OTOG: variants seen among roughly 807,000 people sequenced by gnomAD.
OTOG encodes otogelin.
In OTOG, 296 loss-of-function variants were observed where a neutral mutation model predicts 313.8. The observed-to-expected ratio is 0.94, with a 90% CI of 0.86 to 1.04. The LOEUF (loss-of-function observed/expected upper bound fraction) is 1.04. OTOG is among the 50% of genes least tolerant of loss of function. The pLI is 0.00. For synonymous variants in OTOG, 1,533 were observed against 1,554.9 expected, an observed-to-expected ratio of 0.99 and a Z score of 0.33; for missense variants, 3,948 against 3,840.1, an observed-to-expected ratio of 1.03 and a Z score of -0.74.
At position 17,572,108 on chromosome 11, in the gene OTOG, C is replaced by T. The variant is rs547173007; in HGVS notation, c.1984C>T (p.Pro662Ser). 4.4e-4 allele frequency: 678 copies of T among 1,550,430 alleles called. 4 individuals are homozygous for T. The highest frequency in any genetic ancestry group is 2.4e-3 in the South Asian group (203 of 84,038). Residue 662 changes from proline to serine, a missense_variant, in exon 18 of 56, where the codon CCA (proline) becomes TCA (serine). Coordinates refer to ENST00000399397, the MANE Select transcript of OTOG (RefSeq NM_001292063.2). Reference protein sequence around the residue: ...LSPVGVPESTPQLFGNSWKTL... With the variant: ...LSPVGVPESTSQLFGNSWKTL... ...TCCAGTGGGTGTACCTGAGAGCACC[C>T]CACAACTTTTTGGCAATTCCTGGAA...
At chr11:17,621,806 A>G (rs1853871760) in intron 39 of OTOG, among the ~76,000 whole-genome samples, 1 of 151,844 alleles carries the variant, frequency 6.6e-6, no homozygotes. Flanking sequence ...TTCAGGGATC[A>G]CTCTCCTGCA....
chr11:17,560,519 G>A (rs1852157507), intron 12 of OTOG, among the ~76,000 whole-genome samples, 190 bp from the exon 13 acceptor site: 1 of 152,196 alleles, frequency 6.6e-6, no homozygotes, highest in Non-Finnish European at 1.5e-5. Context: ...AGGTCTAGGG[G>A]TGGGATTCTT....
chr11:17,634,424 C>A, intron 44 of OTOG, 143 bp downstream of exon 44: 1 of 943,156 alleles, frequency 1.1e-6, no homozygotes, highest in Non-Finnish European at 1.6e-6. Context: ...GAGGGGAGAA[C>A]CCTCCCTGGG....
At chr11:17,639,021 C>A in intron 48 of OTOG, 1 of 331,540 alleles carries the variant, frequency 3.0e-6, no homozygotes, top group Non-Finnish European at 5.8e-6. Context: ...CCACTGCACT[C>A]CAGCCTGGGC....
chr11:17,609,585 G>A, intron 35 of OTOG, 70 bp from the exon 36 acceptor site: 2 of 1,338,384 alleles, frequency 1.5e-6, no homozygotes, highest in Non-Finnish European at 2.0e-6. Context: ...TCACACCACA[G>A]CCCTGCCCAG....
At chr11:17,596,333 AC>A (rs529276569) in intron 29 of OTOG, among the ~76,000 whole-genome samples, 179 bp downstream of exon 29, 101 of 152,258 alleles carry the variant, frequency 6.6e-4, no homozygotes, top group African/African-American at 2.3e-3. Context: ...TCCCCAGATG[AC>A]CAGGCACAGA....
At position 17,610,291 on chromosome 11, in the gene OTOG, A is replaced by T. The variant is rs1427538566; in HGVS notation, c.4991A>T (p.His1664Leu). The part of the protein sequence containing the change: ...ISRSPTSSGS[H>L]KAVLTPAVTK... ...AGGTCCCCCACCTCCTCGGGATCCC[A>T]CAAGGCTGTGCTGACACCTGCAGTA... The change falls in exon 36 of 56, where the codon CAC (histidine) becomes CTC (leucine). Residue 1664 changes from histidine to leucine, a missense_variant. Transcript: ENST00000399397. 1.3e-6 allele frequency: 2 copies of T among 1,550,458 alleles called. No homozygotes were observed. The highest frequency in any genetic ancestry group is 2.4e-5 in the East Asian group (1 of 40,910).
In OTOG at chr11:17,631,806, A is replaced by C. The variant is rs1055348299; in HGVS notation, c.6817A>C (p.Ser2273Arg). Reference sequence around the variant, plus strand: ...CTTTCTGGACAGCTGGCAGGTGCCCAGCTCCCTGACCTCAGTGGGCCAGAC... The same window carrying C: ...CTTTCTGGACAGCTGGCAGGTGCCCCGCTCCCTGACCTCAGTGGGCCAGAC... ...APFLDSWQVP[S>R]SLTSVGQTRF... Residue 2273 changes from serine to arginine, a missense_variant, in exon 41 of 56, where the codon AGC (serine) becomes CGC (arginine). Ser to Arg is a moderately radical substitution (Grantham distance 110, BLOSUM62 -1). Coordinates refer to ENST00000399397, the MANE Select transcript of OTOG (RefSeq NM_001292063.2). 2 of 1,550,608 alleles carry C rather than the reference A, an allele frequency of 1.3e-6. No individual in the cohort carries two copies. Among genetic ancestry groups the C allele is most frequent in the Non-Finnish European group, 8.7e-7 (1 of 1,146,978 alleles).
In OTOG at chr11:17,593,564, G is replaced by A. The variant is rs553635614; in HGVS notation, c.3142-46G>A. On this transcript the variant is annotated intron_variant, in intron 26 of 55. Transcript: ENST00000399397. ...GGCTGCAGGCATAGCTGACCTGGGC[G>A]CTAGGGGGCACTTGGGCTCAGGACT... The A allele has an allele frequency of 9.1e-6, 14 of 1,541,644 alleles. No homozygotes were observed. The East Asian group carries it at 9.8e-5, about 11-fold the overall frequency.
At chr11:17,575,805 C>A (rs1355569115) in intron 20 of OTOG, among the ~76,000 whole-genome samples, 1 of 152,088 alleles carries the variant, frequency 6.6e-6, no homozygotes, top group African/African-American at 2.4e-5. Flanking sequence ...TTGAGTGTTG[C>A]CAACGAAAGG....
At chr11:17,602,405 C>T (rs1853278186) in intron 32 of OTOG, 28 bp downstream of exon 32, 2 of 1,541,064 alleles carry the variant, frequency 1.3e-6, no homozygotes, top group Non-Finnish European at 1.8e-6. Flanking sequence ...CCCACTCCAG[C>T]TCTTCTGGGA....
chr11:17,616,320 G>A (rs1018097017), intron 39 of OTOG, among the ~76,000 whole-genome samples: 2 of 152,190 alleles, frequency 1.3e-5, no homozygotes, highest in African/African-American at 4.8e-5. Context: ...GCCTCCCAAA[G>A]TGCTAGAATT....
intron 39 of OTOG, among the ~76,000 whole-genome samples, chr11:17,615,280 A>T (rs1365527062): frequency 1.3e-5 from 2 of 152,138 alleles, no homozygotes; most frequent in Admixed American, 6.5e-5. Context: ...ATATAAATCT[A>T]ATTTTCCAGT....
At chr11:17,632,044 A>G (rs1441112709) in intron 41 of OTOG, 44 bp from the exon 42 acceptor site, 2 of 1,544,756 alleles carry the variant, frequency 1.3e-6, no homozygotes, top group Non-Finnish European at 1.8e-6. Flanking sequence ...GCACTGGGAT[A>G]TGTGCCATCC....
intron 27 of OTOG, 41 bp from the exon 28 acceptor site, chr11:17,594,006 G>A (rs2134061887): frequency 6.5e-7 from 1 of 1,550,142 alleles, no homozygotes. Flanking sequence ...GCTCACCTCT[G>A]GCAGGCCTGC....
chr11:17,614,900 G>A (rs926140771), intron 39 of OTOG, among the ~76,000 whole-genome samples: 12 of 151,972 alleles, frequency 7.9e-5, no homozygotes, highest in Admixed American at 2.6e-4. Context: ...GTAGATTCCC[G>A]TGTTGAACAG....
intron 26 of OTOG, 75 bp from the exon 27 acceptor site, chr11:17,593,535 G>A: frequency 2.0e-6 from 3 of 1,523,724 alleles, no homozygotes; most frequent in Admixed American, 2.0e-5. Flanking sequence ...ATTGGTGAGG[G>A]CCTGGCTGCA....
At chr11:17,621,843 G>A (rs1436332106) in intron 39 of OTOG, among the ~76,000 whole-genome samples, 1 of 152,206 alleles carries the variant, frequency 6.6e-6, no homozygotes, top group East Asian at 1.9e-4. Flanking sequence ...TTGGAAAACT[G>A]TTGTTTTATA....
In OTOG at chr11:17,632,213, C is replaced by T. The variant is rs763428991; in HGVS notation, c.7059C>T (p.Arg2353=). The T allele has an allele frequency of 1.3e-6, 2 of 1,550,666 alleles. No individual in the cohort carries two copies. The highest frequency in any genetic ancestry group is 2.4e-5 in the South Asian group (2 of 84,060). The change falls in exon 42 of 56, where the codon CGC becomes CGT. Residue 2353 remains arginine (R), a synonymous_variant. Coordinates refer to ENST00000399397, the MANE Select transcript of OTOG (RefSeq NM_001292063.2). ...HKFHVCIEWR[R]SDYCPFLCSS... Reference sequence around the variant, plus strand: ...TTCATGTGTGCATCGAGTGGCGGCGCTCTGACTACTGCCGTGAGTTTGCGG... The same window carrying T: ...TTCATGTGTGCATCGAGTGGCGGCGTTCTGACTACTGCCGTGAGTTTGCGG...
Sources: gnomAD v4.1 joint callset for allele counts (sites outside exome capture counted in the v4.1 genomes callset) on GRCh38, gnomAD v4.1.1 for gene constraint, MANE v1.5 for transcripts, NCBI Gene and HGNC (gene_info 2026-07-23, HGNC 2026-07-21) for gene names.